Variants in VEZT observed in about 807,000 individuals in gnomAD.
VEZT encodes the protein vezatin, adherens junctions transmembrane protein, also known as vezatin.
Under a neutral mutation model 79.9 loss-of-function variants are expected in VEZT, and 39 were observed. The ratio of observed to expected loss-of-function variants is 0.49; its 90% CI spans 0.38 to 0.64. The LOEUF (loss-of-function observed/expected upper bound fraction) is 0.64. Among genes scored for constraint, VEZT ranks in the 30% least tolerant of loss-of-function variants. VEZT has a pLI of 0.00. For synonymous variants in VEZT, 325 were observed against 327.6 expected, an observed-to-expected ratio of 0.99 and a Z score of 0.09; for missense variants, 837 against 893.1, an observed-to-expected ratio of 0.94 and a Z score of 0.80.
At chr12:95,249,309 T>C (rs895807921) in intron 1 of VEZT, among the ~76,000 whole-genome samples, 2 of 152,182 alleles carry the variant, frequency 1.3e-5, no homozygotes, top group African/African-American at 4.8e-5. Context: ...TGTTTTTTTT[T>C]AAAGTATGTA....
chr12:95,287,741 C>T lies in VEZT; in HGVS notation c.1406C>T (p.Pro469Leu). The change falls in exon 9 of 12, where the codon CCC becomes CTC. Residue 469 changes from proline (P) to leucine (L), a missense_variant. Physicochemically the swap from Pro to Leu is moderately conservative, Grantham distance 98. Transcript: ENST00000436874. ...CAAGAACTAGTGTCAGAGGCTTATC[C>T]CATCCTAGAACAGAAATTAAAGTTG... ...ETQELVSEAY[P>L]ILEQKLKLIQ... 6.2e-7 allele frequency: 1 copy of T among 1,602,426 alleles called. No homozygotes were observed. Among genetic ancestry groups the T allele is most frequent in the Non-Finnish European group, 8.5e-7 (1 of 1,173,924 alleles).
chr12:95,264,869 CTTTTTTTTTT>C (rs71078693), intron 4 of VEZT, among the ~76,000 whole-genome samples: 5 of 113,362 alleles, frequency 4.4e-5, no homozygotes, highest in South Asian at 3.0e-4. Flanking sequence ...CTTTTCTTTT[CTTTTTTTTTT>C]TTTTTTTTTT....
At chr12:95,297,782 G>A (rs917637885) in intron 11 of VEZT, among the ~76,000 whole-genome samples, 4 of 151,776 alleles carry the variant, frequency 2.6e-5, no homozygotes, top group Admixed American at 1.3e-4. Flanking sequence ...TATGTTTATC[G>A]AATTAAACTA....
At chr12:95,280,410 C>T (rs2068748205) in intron 7 of VEZT, among the ~76,000 whole-genome samples, 1 of 150,696 alleles carries the variant, frequency 6.6e-6, no homozygotes, top group East Asian at 2.0e-4. Flanking sequence ...ACCTCCCCAG[C>T]CAGCCCCTTC....
At position 95,282,299 on chromosome 12, in the gene VEZT, C is replaced by A. The variant is rs1365697983; in HGVS notation, c.997-14C>A. ...ATTTTTATTGATCTAGTTCTTTTTTCTTTTTTCTTTAAGGTTTTGTTCCAA... is the reference window on the plus strand; with the variant it reads ...ATTTTTATTGATCTAGTTCTTTTTTATTTTTTCTTTAAGGTTTTGTTCCAA... On this transcript the variant is annotated splice_polypyrimidine_tract_variant and intron_variant, in intron 7 of 11. Transcript: ENST00000436874. The A allele has an allele frequency of 6.4e-7, 1 of 1,562,764 alleles. No individual in the cohort carries two copies. The highest frequency in any genetic ancestry group is 8.6e-7 in the Non-Finnish European group (1 of 1,161,034).
intron 6 of VEZT, 37 bp from the exon 7 acceptor site, chr12:95,274,705 T>C: frequency 5.1e-6 from 8 of 1,580,200 alleles, no homozygotes; most frequent in Middle Eastern, 1.7e-4. Context: ...TATGCTTTCA[T>C]GAAAAGGCTT....
intron 9 of VEZT, among the ~76,000 whole-genome samples, chr12:95,292,441 A>C (rs112197343): frequency 0.02 from 3,116 of 152,208 alleles, 103 homozygotes; most frequent in Non-Finnish European, 0.022. Flanking sequence ...TTAGGCAATA[A>C]TGGCAGTTTT....
At chr12:95,220,142 G>A (rs963451593) in intron 1 of VEZT, among the ~76,000 whole-genome samples, 2 of 152,168 alleles carry the variant, frequency 1.3e-5, no homozygotes, top group African/African-American at 4.8e-5. Context: ...GCACACCCAT[G>A]TAACCAGCAC....
chr12:95,226,238 G>A (rs2058465164), intron 1 of VEZT, among the ~76,000 whole-genome samples: 1 of 151,950 alleles, frequency 6.6e-6, no homozygotes, highest in Non-Finnish European at 1.5e-5. Flanking sequence ...AATCCTAGCT[G>A]CAAGATAATT....
chr12:95,263,478 C>T (rs965410160), intron 4 of VEZT, among the ~76,000 whole-genome samples: 3 of 152,028 alleles, frequency 2.0e-5, no homozygotes, highest in African/African-American at 4.8e-5. Context: ...AGCAAAATCC[C>T]ATCTCTACAA....
chr12:95,300,803 C>G lies in VEZT; in HGVS notation c.*130C>G. 1 of 1,273,374 alleles carries G rather than the reference C, an allele frequency of 7.9e-7. No individual in the cohort carries two copies. Among genetic ancestry groups the G allele is most frequent in the Non-Finnish European group, 1.0e-6 (1 of 985,620 alleles). 78.9% of individuals were successfully genotyped at this position (1,273,374 alleles called of 1,614,324 possible). On this transcript the variant is annotated 3_prime_UTR_variant, in exon 12 of 12. Transcript: ENST00000436874. ...TAAGATGTGGATTTACAGGAAGAAC[C>G]CTGGTTTGAATAACTGATCTGAAAT... is the stretch of plus-strand genomic sequence containing the variant.
chr12:95,263,214 T>TG (rs1329110684), intron 4 of VEZT, 133 bp downstream of exon 4: 38 of 885,386 alleles, frequency 4.3e-5, no homozygotes, highest in Non-Finnish European at 5.8e-5. Flanking sequence ...AGTAACAATA[T>TG]GGGGGGAAAA....
intron 9 of VEZT, chr12:95,290,604 G>A (rs1385732670): frequency 6.6e-6 from 1 of 152,146 alleles, no homozygotes; most frequent in East Asian, 1.9e-4. Context: ...ACAGAAAACA[G>A]ATCAGTAGTT....
At chr12:95,299,164 T>G (rs1345734723) in intron 11 of VEZT, 10 of 154,870 alleles carry the variant, frequency 6.5e-5, no homozygotes, top group Admixed American at 3.9e-4. Context: ...TTTTTTCTGT[T>G]GTTGCTGCTT....
At chr12:95,273,178 T>G (rs992786766) in intron 6 of VEZT, among the ~76,000 whole-genome samples, 35 of 152,220 alleles carry the variant, frequency 2.3e-4, no homozygotes, top group African/African-American at 8.4e-4. Context: ...TATGAAACTA[T>G]TTTTAAAAAA....
intron 3 of VEZT, among the ~76,000 whole-genome samples, chr12:95,262,006 G>A (rs928543903): frequency 2.0e-5 from 3 of 152,070 alleles, no homozygotes; most frequent in Non-Finnish European, 2.9e-5. Flanking sequence ...TAATATCGAC[G>A]ACTCACACTT....
chr12:95,262,834 C>T, intron 3 of VEZT, 72 bp from the exon 4 acceptor site: 3 of 1,329,344 alleles, frequency 2.3e-6, no homozygotes, highest in Non-Finnish European at 2.0e-6. Flanking sequence ...TTTATTAGTA[C>T]ATTAGGAGCT....
Position 95,287,745 on chromosome 12 carries a change from C to T in VEZT, c.1410C>T (p.Ile470=). Residue 470 remains isoleucine, a synonymous_variant, in exon 9 of 12, where the codon ATC becomes ATT. Transcript: ENST00000436874. ...AACTAGTGTCAGAGGCTTATCCCAT[C>T]CTAGAACAGAAATTAAAGTTGATTC... ...TQELVSEAYP[I]LEQKLKLIQP... The T allele has an allele frequency of 6.2e-7, 1 of 1,603,474 alleles. No individual in the cohort carries two copies. Among genetic ancestry groups the T allele is most frequent in the Non-Finnish European group, 8.5e-7 (1 of 1,174,416 alleles).
At chr12:95,289,129 T>TAAATA (rs1343956093) in intron 9 of VEZT, among the ~76,000 whole-genome samples, 6 of 141,584 alleles carry the variant, frequency 4.2e-5, no homozygotes, top group South Asian at 2.3e-4. Context: ...AATAAATAAA[T>TAAATA]AAAAAAGGCC....
Sources: gnomAD v4.1 joint callset for allele counts (sites outside exome capture counted in the v4.1 genomes callset) on GRCh38, gnomAD v4.1.1 for gene constraint, MANE v1.5 for transcripts, NCBI Gene and HGNC (gene_info 2026-07-23, HGNC 2026-07-21) for gene names.